Variants in SPSB3 observed in about 807,000 individuals in gnomAD.
SPSB3 encodes SPRY domain-containing SOCS box protein 3.
A neutral mutation model predicts 29.5 loss-of-function variants in SPSB3; 18 were observed. The ratio of observed to expected loss-of-function variants is 0.61; its 90% CI spans 0.42 to 0.91. The LOEUF (loss-of-function observed/expected upper bound fraction) is 0.91, where lower values mean the gene tolerates loss of function less well. Among genes scored for constraint, SPSB3 ranks in the 40% least tolerant of loss-of-function variants. The pLI is 0.00. For synonymous variants in SPSB3, 299 were observed against 214.1 expected (o/e 1.40, Z -3.46); for missense variants, 540 against 507.5 (o/e 1.06, Z -0.61).
Position 1,778,508 on chromosome 16 carries a change from G to T in SPSB3, c.231C>A (p.Ser77Arg), listed in dbSNP as rs77388088. ...GCAGGCTGCTACAGAAGGAGGCCTC[G>T]CTCTGCCCAGCACAGTCACAGAAGG... is the stretch of plus-strand genomic sequence containing the variant. ...GESFCDCAGQ[S>R]EASFCSSLHS... is the part of the protein sequence containing the mutation. Residue 77 changes from serine (S) to arginine (R), a missense_variant, in exon 3 of 7, where the codon AGC becomes AGA. Coordinates refer to ENST00000566339, the MANE Select transcript of SPSB3 (RefSeq NM_080861.4). 3 of 1,612,016 alleles carry T rather than the reference G, an allele frequency of 1.9e-6. No homozygotes were observed. In the Middle Eastern group the frequency reaches 5.1e-4, roughly 273 times the overall value.
In SPSB3 at chr16:1,777,468, AC is replaced by A. The variant is rs757656074; in HGVS notation, c.722-26del. 2.2e-5 allele frequency: 33 copies of A among 1,470,412 alleles called. No homozygotes were observed. In the East Asian group the frequency reaches 8.2e-4, roughly 36 times the overall value. 91.1% of individuals were successfully genotyped at this position (1,470,412 alleles called of 1,614,324 possible). ...CCTGGAAGGGAGGGGCCCAGCCTGAACCCCAGGCAGGGAAGGGGCCAGCTAC... is the reference window on the plus strand; with the variant it reads ...CCTGGAAGGGAGGGGCCCAGCCTGAACCCAGGCAGGGAAGGGGCCAGCTAC... On this transcript the variant is annotated intron_variant, in intron 6 of 6. Coordinates refer to ENST00000566339, the MANE Select transcript of SPSB3 (RefSeq NM_080861.4).
At chr16:1,782,354 G>A (rs1023544369) in intron 1 of SPSB3, 148 bp downstream of exon 1, 1 of 151,654 alleles carries the variant, frequency 6.6e-6, no homozygotes, top group Non-Finnish European at 1.5e-5. Context: ...GCGGGTTCCG[G>A]AGTCGGCGGC....
intron 1 of SPSB3, 106 bp from the exon 2 acceptor site, chr16:1,781,601 G>C: frequency 8.0e-7 from 1 of 1,242,496 alleles, no homozygotes; most frequent in Non-Finnish European, 1.1e-6. Flanking sequence ...TGCAGGGGCC[G>C]CACCGGTGCC....
intron 1 of SPSB3, 95 bp from the exon 2 acceptor site, chr16:1,781,590 C>G: frequency 7.3e-7 from 1 of 1,375,640 alleles, no homozygotes; most frequent in Non-Finnish European, 9.9e-7. Flanking sequence ...AAAGTGGGGA[C>G]TGCAGGGGCC....
At chr16:1,777,632 C>G in intron 6 of SPSB3, 115 bp downstream of exon 6, 1 of 1,519,990 alleles carries the variant, frequency 6.6e-7, no homozygotes, top group South Asian at 1.2e-5. Context: ...CCTGGGGCCT[C>G]AGGCTTCTGG....
intron 1 of SPSB3, 158 bp from the exon 2 acceptor site, chr16:1,781,653 C>G (rs1896718256): frequency 1.5e-6 from 1 of 683,298 alleles, no homozygotes; most frequent in Non-Finnish European, 2.5e-6. Context: ...GTACCTCACT[C>G]CAGGATCTGA....
Position 1,778,278 on chromosome 16 carries a change from G to T in SPSB3, c.348C>A (p.Thr116=). ...CCTTACGGTTGTCACAGCTCAGCAGGGTGGCTGATGACTTATTTAAGTCAT... is the reference window on the plus strand; with the variant it reads ...CCTTACGGTTGTCACAGCTCAGCAGTGTGGCTGATGACTTATTTAAGTCAT... The part of the protein sequence containing the change: ...VWDDLNKSSA[T]LLSCDNRKVS... The change falls in exon 4 of 7, where the codon ACC becomes ACA. Residue 116 remains threonine, a synonymous_variant. Coordinates refer to ENST00000566339, the MANE Select transcript of SPSB3 (RefSeq NM_080861.4). 2 of 1,612,746 alleles carry T rather than the reference G, an allele frequency of 1.2e-6. No individual in the cohort carries two copies. The highest frequency in any genetic ancestry group is 1.7e-6 in the Non-Finnish European group (2 of 1,180,008).
At chr16:1,780,950 C>G in intron 2 of SPSB3, 1 of 350,070 alleles carries the variant, frequency 2.9e-6, no homozygotes, top group South Asian at 2.3e-5. Context: ...CCAGGCAGGT[C>G]TCAAACTCCT....
chr16:1,778,076 C>T lies in SPSB3; in HGVS notation c.493-28G>A, dbSNP rs200328531. 1.2e-3 allele frequency: 1,872 copies of T among 1,613,006 alleles called. 2 individuals are homozygous for T. The highest frequency in any genetic ancestry group is 1.5e-3 in the Non-Finnish European group (1,730 of 1,179,980). On this transcript the variant is annotated intron_variant, in intron 4 of 6. Transcript: ENST00000566339. Reference sequence around the variant, plus strand: ...AGGAACAGGGGCCAGGCAGAGGGCGCGGGGCTGGGCTGCCGGAGCCAGGTT... The same window carrying T: ...AGGAACAGGGGCCAGGCAGAGGGCGTGGGGCTGGGCTGCCGGAGCCAGGTT...
At chr16:1,778,698 C>T in intron 2 of SPSB3, 86 bp from the exon 3 acceptor site, 4 of 1,441,230 alleles carry the variant, frequency 2.8e-6, no homozygotes, top group Non-Finnish European at 3.7e-6. Context: ...CACCCTGTCC[C>T]TGACCCACCC....
At chr16:1,779,532 C>G (rs879668975) in intron 2 of SPSB3, 2 of 152,360 alleles carry the variant, frequency 1.3e-5, no homozygotes, top group Non-Finnish European at 2.9e-5. Flanking sequence ...AGGACACTGT[C>G]CTTTCTGGAG....
intron 1 of SPSB3, 21 bp downstream of exon 1, chr16:1,782,481 G>A (rs1034732853): frequency 2.0e-5 from 3 of 152,370 alleles, no homozygotes; most frequent in African/African-American, 7.2e-5. Context: ...CCGAGACGTC[G>A]GCCCGTGCCC....
At position 1,776,734 on chromosome 16, in the gene SPSB3, C is replaced by T. The variant is rs2042718454; in HGVS notation, c.*363G>A. On this transcript the variant is annotated 3_prime_UTR_variant, in exon 7 of 7. Transcript: ENST00000566339. ...ATGTGGGTGTTAGACATCAACTCTA[C>T]ATTTATTGCAGTCCTTTAAGTCTAT... 1 of 352,306 alleles carries T rather than the reference C, an allele frequency of 2.8e-6. No individual in the cohort carries two copies. The highest frequency in any genetic ancestry group is 5.2e-6 in the Non-Finnish European group (1 of 191,972). 21.8% of individuals were successfully genotyped at this position (352,306 alleles called of 1,614,324 possible).
intron 2 of SPSB3, chr16:1,780,729 T>A (rs974128872): frequency 6.1e-6 from 1 of 163,590 alleles, no homozygotes; most frequent in Non-Finnish European, 1.4e-5. Context: ...AACCAAAGAA[T>A]TTTTTTGTTT....
At position 1,776,932 on chromosome 16, in the gene SPSB3, C is replaced by G; in HGVS notation, c.*165G>C. 1.3e-6 allele frequency: 1 copy of G among 785,012 alleles called. No individual in the cohort carries two copies. 48.6% of individuals were successfully genotyped at this position (785,012 alleles called of 1,614,324 possible). A position where few individuals can be genotyped will look rare whatever the true frequency, so the allele number is the denominator to read the frequency against. ...ACAGCAGCAGAGGGGCCCTAGAGCC[C>G]CCACAGAAAGGACTGTCCCAGCCTC... On this transcript the variant is annotated 3_prime_UTR_variant, in exon 7 of 7. Transcript: ENST00000566339.
chr16:1,781,104 G>T (rs937377554), intron 2 of SPSB3: 15 of 1,386,478 alleles, frequency 1.1e-5, no homozygotes, highest in Non-Finnish European at 9.6e-6. Context: ...GTGTTTCAGA[G>T]GAGAAAGCAC....
Position 1,778,226 on chromosome 16 carries a change from C to T in SPSB3, c.400G>A (p.Gly134Ser), listed in dbSNP as rs1292747451. ...KVSFHMEYSC[G>S]TAAIRGTKEL... ...TTGGTGCCCCGGATGGCCGCTGTGCCGCAGCTGTACTCCATGTGGAAGCTG... is the reference window on the plus strand; with the variant it reads ...TTGGTGCCCCGGATGGCCGCTGTGCTGCAGCTGTACTCCATGTGGAAGCTG... The change falls in exon 4 of 7, where the codon GGC becomes AGC. Residue 134 changes from glycine to serine, a missense_variant. Transcript: ENST00000566339. The T allele has an allele frequency of 1.2e-6, 2 of 1,612,840 alleles. No individual in the cohort carries two copies. Among genetic ancestry groups the T allele is most frequent in the Non-Finnish European group, 1.7e-6 (2 of 1,179,978 alleles).
Position 1,777,411 on chromosome 16 carries a change from ATC to A in SPSB3, c.752_753del (p.Arg251IlefsTer141). On this transcript the variant is annotated frameshift_variant, in exon 7 of 7. Coordinates refer to ENST00000566339, the MANE Select transcript of SPSB3 (RefSeq NM_080861.4). LOFTEE classifies it high-confidence loss of function. ...GCCGTGGAGCACACCATCGGGTAGA[ATC>A]TCTTGTTCTGCAGCTTGGTGGCTGC... The part of the protein sequence containing the change: ...GVAATKLQNK[R>X]FYPMVCSTAA... The A allele has an allele frequency of 6.4e-7, 1 of 1,565,164 alleles. No homozygotes were observed. Among genetic ancestry groups the A allele is most frequent in the Non-Finnish European group, 8.6e-7 (1 of 1,158,250 alleles).
In SPSB3 at chr16:1,778,226, C is replaced by G. The variant is rs1292747451; in HGVS notation, c.400G>C (p.Gly134Arg). 6.2e-7 allele frequency: 1 copy of G among 1,612,958 alleles called. No individual in the cohort carries two copies. Among genetic ancestry groups the G allele is most frequent in the Non-Finnish European group, 8.5e-7 (1 of 1,179,970 alleles). The change falls in exon 4 of 7, where the codon GGC becomes CGC. Residue 134 changes from glycine (G) to arginine (R), a missense_variant. Gly to Arg is a moderately radical substitution (Grantham distance 125). Coordinates refer to ENST00000566339, the MANE Select transcript of SPSB3 (RefSeq NM_080861.4). ...KVSFHMEYSC[G>R]TAAIRGTKEL... ...TTGGTGCCCCGGATGGCCGCTGTGCCGCAGCTGTACTCCATGTGGAAGCTG... is the reference window on the plus strand; with the variant it reads ...TTGGTGCCCCGGATGGCCGCTGTGCGGCAGCTGTACTCCATGTGGAAGCTG...
Sources: allele counts gnomAD v4.1 joint callset, GRCh38; gene constraint gnomAD v4.1.1; transcripts MANE v1.5; gene names NCBI Gene and HGNC (gene_info 2026-07-23, HGNC 2026-07-21).